Variants in APP observed in about 807,000 individuals in gnomAD.
APP encodes amyloid-beta precursor protein.
In APP, 31 loss-of-function variants were observed where a neutral mutation model predicts 101.4. The ratio of observed to expected loss-of-function variants is 0.31; its 90% CI spans 0.23 to 0.41. The LOEUF is 0.41. Among genes scored for constraint, APP ranks in the 10% least tolerant of loss-of-function variants. APP has a pLI of 1.00. For synonymous variants in APP, 366 were observed against 364.4 expected (o/e 1.00, Z -0.05); for missense variants, 839 against 1,003.7 (o/e 0.84, Z 2.22).
In APP at chr21:25,880,567, A is replaced by G. The variant is rs201838604; in HGVS notation, c.*1103T>C. Reference sequence around the variant, plus strand: ...CACAATGGTGCTCCTCCAAGAATGTATTTATTTACATGAAAACACCATTTT... The same window carrying G: ...CACAATGGTGCTCCTCCAAGAATGTGTTTATTTACATGAAAACACCATTTT... On this transcript the variant is annotated 3_prime_UTR_variant, in exon 18 of 18. Coordinates refer to ENST00000346798, the MANE Select transcript of APP (RefSeq NM_000484.4). The G allele has an allele frequency of 1.3e-5, 2 of 152,216 alleles. No homozygotes were observed. The highest frequency in any genetic ancestry group is 3.9e-4 in the East Asian group (2 of 5,188). 9.4% of individuals were successfully genotyped at this position (152,216 alleles called of 1,614,324 possible).
chr21:25,913,948 T>G (rs2039210897), intron 13 of APP, among the ~76,000 whole-genome samples: 1 of 152,154 alleles, frequency 6.6e-6, no homozygotes, highest in South Asian at 2.1e-4. Context: ...CAGCTTTGAC[T>G]TCTCCCTCCC....
chr21:25,913,834 T>C (rs2039205747), intron 13 of APP, among the ~76,000 whole-genome samples: 1 of 152,216 alleles, frequency 6.6e-6, no homozygotes, highest in South Asian at 2.1e-4. Context: ...TTTCTTCTTG[T>C]ATCTCTTTCC....
At chr21:26,126,226 C>G (rs1370301638) in intron 1 of APP, among the ~76,000 whole-genome samples, 2 of 152,192 alleles carry the variant, frequency 1.3e-5, no homozygotes, top group African/African-American at 4.8e-5. Flanking sequence ...GACTTTACTG[C>G]TGTTGTTCAT....
At chr21:26,088,351 T>C (rs1438380106) in intron 3 of APP, among the ~76,000 whole-genome samples, 1 of 152,210 alleles carries the variant, frequency 6.6e-6, no homozygotes, top group African/African-American at 2.4e-5. Context: ...CTATGTAAAA[T>C]GATAAGTTCA....
At chr21:25,945,402 T>TTTTTTG (rs3084231) in intron 13 of APP, 2 of 141,536 alleles carry the variant, frequency 1.4e-5, no homozygotes, top group Admixed American at 7.0e-5. Flanking sequence ...TTTTTTTTTT[T>TTTTTTG]GCAGAAATGG....
chr21:26,153,821 A>T (rs1406734610), intron 1 of APP, among the ~76,000 whole-genome samples: 2 of 152,344 alleles, frequency 1.3e-5, no homozygotes, highest in East Asian at 3.9e-4. Context: ...AGTTTAATTA[A>T]ATCTAAAATC....
intron 3 of APP, among the ~76,000 whole-genome samples, chr21:26,069,630 C>T (rs765825377): frequency 6.6e-6 from 1 of 152,182 alleles, no homozygotes; most frequent in Non-Finnish European, 1.5e-5. Context: ...AATACACAAC[C>T]ACCCCACTGT....
At chr21:25,886,736 C>G (rs942521471) in intron 17 of APP, among the ~76,000 whole-genome samples, 1 of 151,988 alleles carries the variant, frequency 6.6e-6, no homozygotes, top group Non-Finnish European at 1.5e-5. Flanking sequence ...TCCAATTTCT[C>G]TTCCTGCTGC....
intron 6 of APP, among the ~76,000 whole-genome samples, chr21:26,001,989 T>G (rs1470953870): frequency 3.9e-5 from 6 of 152,220 alleles, no homozygotes; most frequent in Non-Finnish European, 8.8e-5. Context: ...AATTGCGAAG[T>G]AGATGGGATA....
chr21:26,113,811 C>T (rs148004761), intron 1 of APP, among the ~76,000 whole-genome samples: 1 of 152,192 alleles, frequency 6.6e-6, no homozygotes, highest in African/African-American at 2.4e-5. Context: ...AATTCATTGT[C>T]TTGATCTTAG....
intron 15 of APP, among the ~76,000 whole-genome samples, chr21:25,902,022 T>G (rs2038524662): frequency 6.6e-6 from 1 of 152,182 alleles, no homozygotes; most frequent in Admixed American, 6.5e-5. Context: ...GGAGGAGCTA[T>G]AATGGCCACT....
chr21:26,121,569 G>C (rs2062572100), intron 1 of APP, among the ~76,000 whole-genome samples: 1 of 152,080 alleles, frequency 6.6e-6, no homozygotes, highest in Admixed American at 6.6e-5. Flanking sequence ...TGTATTTTTA[G>C]TAGAGATGGG....
intron 4 of APP, 30 bp downstream of exon 4, chr21:26,053,206 T>A (rs764934209): frequency 2.6e-6 from 4 of 1,512,498 alleles, no homozygotes; most frequent in Non-Finnish European, 3.7e-6. Context: ...ATCTTCACTT[T>A]GCAATAAGAA....
intron 13 of APP, among the ~76,000 whole-genome samples, chr21:25,954,049 G>A (rs776262561): frequency 7.0e-4 from 106 of 152,144 alleles, no homozygotes; most frequent in Non-Finnish European, 1.5e-3. Flanking sequence ...TGGCTTCCCT[G>A]CTCAGCCATC....
At chr21:25,893,511 A>C (rs894804467) in intron 16 of APP, among the ~76,000 whole-genome samples, 4 of 152,254 alleles carry the variant, frequency 2.6e-5, no homozygotes, top group Non-Finnish European at 5.9e-5. Context: ...ATGATAAAGC[A>C]AAACAGCCTT....
intron 13 of APP, among the ~76,000 whole-genome samples, chr21:25,918,088 T>C (rs1344681777): frequency 1.3e-5 from 2 of 152,022 alleles, no homozygotes; most frequent in Admixed American, 1.3e-4. Flanking sequence ...TTGGTGAGAG[T>C]GTTAGTTCAA....
intron 1 of APP, among the ~76,000 whole-genome samples, chr21:26,164,246 A>T (rs556359659): frequency 2.6e-4 from 39 of 152,374 alleles, no homozygotes; most frequent in Non-Finnish European, 4.7e-4. Flanking sequence ...CTCCGTCTCA[A>T]AAACAAAACA....
chr21:26,072,155 C>G (rs1313633084), intron 3 of APP, among the ~76,000 whole-genome samples: 2 of 152,154 alleles, frequency 1.3e-5, no homozygotes, highest in Non-Finnish European at 2.9e-5. Context: ...CAAGTATGTA[C>G]AAAAGACATC....
intron 2 of APP, among the ~76,000 whole-genome samples, chr21:26,110,545 G>C (rs1162203355): frequency 2.6e-5 from 4 of 152,072 alleles, no homozygotes; most frequent in Non-Finnish European, 4.4e-5. Flanking sequence ...CTCCTTTCAA[G>C]ATAAAAATTA....
Sources: gnomAD v4.1 joint callset for allele counts (sites outside exome capture counted in the v4.1 genomes callset) on GRCh38, gnomAD v4.1.1 for gene constraint, MANE v1.5 for transcripts, NCBI Gene and HGNC (gene_info 2026-07-23, HGNC 2026-07-21) for gene names.